Variants in ABCC12 observed in about 807,000 individuals in gnomAD.
ABCC12 encodes the protein ATP binding cassette subfamily C member 12.
ABCC12 carries 142 observed loss-of-function variants against 151.1 expected under a neutral mutation model. That is an observed-to-expected ratio of 0.94 (90% confidence interval 0.82 to 1.08). The LOEUF (loss-of-function observed/expected upper bound fraction) is 1.08. Among genes scored for constraint, ABCC12 ranks in the 50% least tolerant of loss-of-function variants. ABCC12 has a pLI of 0.00. For synonymous variants in ABCC12, 645 were observed against 646.4 expected (o/e 1.00, Z 0.03); for missense variants, 1,638 against 1,691.1 (o/e 0.97, Z 0.55).
chr16:48,105,281 G>A lies in ABCC12; in HGVS notation c.2531C>T (p.Ala844Val). Residue 844 changes from alanine to valine, a missense_variant, in exon 21 of 31, where the codon GCA becomes GTA. Ala to Val is a moderately conservative substitution (Grantham distance 64). Coordinates refer to ENST00000311303, the MANE Select transcript of ABCC12 (RefSeq NM_001393797.1). ...RTMCEVGAVLADIGQHVYQWV... is the reference protein window; with the variant it reads ...RTMCEVGAVLVDIGQHVYQWV... ...CTGGTACACATGCTGACCGATGTCT[G>A]CCAGCACCGCGCCGACCTCACACAT... 6.2e-7 allele frequency: 1 copy of A among 1,613,824 alleles called. No homozygotes were observed. Among genetic ancestry groups the A allele is most frequent in the South Asian group, 1.1e-5 (1 of 91,062 alleles).
At chr16:48,138,491 G>T in intron 7 of ABCC12, 116 bp from the exon 8 acceptor site, 1 of 1,209,540 alleles carries the variant, frequency 8.3e-7, no homozygotes, top group Non-Finnish European at 1.1e-6. Context: ...GTTGGCTTCA[G>T]ATTCTCAGCC....
At chr16:48,125,041 G>A (rs1964194890) in intron 11 of ABCC12, among the ~76,000 whole-genome samples, 1 of 152,222 alleles carries the variant, frequency 6.6e-6, no homozygotes, top group African/African-American at 2.4e-5. Context: ...TACAAGGAAA[G>A]CCTTACTGGA....
chr16:48,122,449 G>A (rs1343096414), intron 12 of ABCC12, among the ~76,000 whole-genome samples: 6 of 152,162 alleles, frequency 3.9e-5, no homozygotes, highest in Non-Finnish European at 8.8e-5. Context: ...ACTATGCATG[G>A]GCTCCAGTTT....
rs1387449811 is a variant in ABCC12 at position 48,083,037 on chromosome 16, A to G, written c.*678T>C. 1.3e-5 allele frequency: 2 copies of G among 152,252 alleles called. No homozygotes were observed. Among genetic ancestry groups the G allele is most frequent in the Non-Finnish European group, 2.9e-5 (2 of 68,048 alleles). The allele number at this position is 152,252 out of a possible 1,614,324, so 9.4% of individuals were successfully genotyped here. On this transcript the variant is annotated 3_prime_UTR_variant, in exon 31 of 31. Transcript: ENST00000311303. ...GGAATATCTTCAGTGAAATAATTGC[A>G]AGGCGACATTTCAGGGTAATTTCCT...
chr16:48,088,120 C>T (rs1391106901), intron 26 of ABCC12, 35 bp from the exon 27 acceptor site: 3 of 1,605,436 alleles, frequency 1.9e-6, no homozygotes, highest in South Asian at 2.2e-5. Flanking sequence ...ACAAATCAAA[C>T]ATCAGTTTGT....
intron 28 of ABCC12, 77 bp downstream of exon 28, chr16:48,086,664 A>C (rs1435767208): frequency 2.2e-6 from 3 of 1,352,162 alleles, no homozygotes; most frequent in Admixed American, 1.7e-5. Flanking sequence ...GGTGCTTGTC[A>C]AATTTAAACA....
At chr16:48,103,713 G>T (rs1963382877) in intron 22 of ABCC12, among the ~76,000 whole-genome samples, 1 of 152,236 alleles carries the variant, frequency 6.6e-6, no homozygotes, top group Admixed American at 6.5e-5. Context: ...AATCATGGCT[G>T]TCCTCCTGCT....
At chr16:48,101,862 G>T (rs1313987978) in intron 22 of ABCC12, among the ~76,000 whole-genome samples, 1 of 152,194 alleles carries the variant, frequency 6.6e-6, no homozygotes, top group Admixed American at 6.5e-5. Flanking sequence ...TGAGCCCAAA[G>T]AATCCACTGT....
Position 48,124,279 on chromosome 16 carries a change from C to A in ABCC12, c.1521G>T (p.Lys507Asn), listed in dbSNP as rs1964167810. ...HSISFVVRKG[K>N]ILGICGNVGS... ...CCACATTCCCACATATTCCCAAGAT[C>A]TTCCCCTGCCAGAGAAACAGAGATG... Residue 507 changes from lysine (K) to asparagine (N), a missense_variant, in exon 12 of 31, where the codon AAG becomes AAT. By Grantham distance (94) the Lys-to-Asn change is moderately conservative (BLOSUM62 0). Transcript: ENST00000311303. 6.2e-7 allele frequency: 1 copy of A among 1,614,148 alleles called. No homozygotes were observed. The highest frequency in any genetic ancestry group is 8.5e-7 in the Non-Finnish European group (1 of 1,179,978).
intron 9 of ABCC12, among the ~76,000 whole-genome samples, chr16:48,133,474 C>T (rs888102046): frequency 8.6e-5 from 13 of 151,444 alleles, no homozygotes; most frequent in East Asian, 1.9e-4. Context: ...TGCAGTCAGC[C>T]GCCATCACGC....
intron 6 of ABCC12, 54 bp downstream of exon 6, chr16:48,140,633 C>G: frequency 6.4e-7 from 1 of 1,553,830 alleles, no homozygotes; most frequent in Non-Finnish European, 8.8e-7. Context: ...CTCACATGCA[C>G]TCAAACCACT....
intron 23 of ABCC12, 34 bp downstream of exon 23, chr16:48,100,838 G>T (rs1253196328): frequency 6.2e-7 from 1 of 1,607,624 alleles, no homozygotes; most frequent in Admixed American, 1.7e-5. Context: ...CATGAAGCAT[G>T]GGGGCCTGGG....
chr16:48,094,668 A>G (rs1324304842), intron 24 of ABCC12, among the ~76,000 whole-genome samples: 2 of 152,196 alleles, frequency 1.3e-5, no homozygotes, highest in African/African-American at 4.8e-5. Context: ...GATTTTCTCT[A>G]AAGAAATTGA....
At position 48,121,758 on chromosome 16, in the gene ABCC12, A is replaced by C. The variant is rs1964077145; in HGVS notation, c.1670T>G (p.Val557Gly). ...SQQAWIFHGN[V>G]RENILFGEKY... ...TTCTCCAAAGAGTATGTTTTCTCTC[A>C]CATTTCCATGAAAGATCCATGCCTG... Residue 557 changes from valine to glycine, a missense_variant, in exon 13 of 31, where the codon GTG (valine) becomes GGG (glycine). Transcript: ENST00000311303. The C allele has an allele frequency of 6.8e-6, 11 of 1,614,146 alleles. No individual in the cohort carries two copies. In the South Asian group the frequency reaches 7.7e-5, roughly 11 times the overall value.
At chr16:48,101,218 G>A (rs1193266871) in intron 22 of ABCC12, among the ~76,000 whole-genome samples, 6 of 152,284 alleles carry the variant, frequency 3.9e-5, no homozygotes, top group Non-Finnish European at 5.9e-5. Context: ...ATGAGTCAGC[G>A]GCACCTTCGT....
At chr16:48,112,898 T>A (rs1963748371) in intron 15 of ABCC12, among the ~76,000 whole-genome samples, 1 of 152,086 alleles carries the variant, frequency 6.6e-6, no homozygotes, top group African/African-American at 2.4e-5. Flanking sequence ...GCACTTCTGT[T>A]TTTTTTAATT....
intron 29 of ABCC12, among the ~76,000 whole-genome samples, chr16:48,085,349 G>A (rs1436455609): frequency 6.6e-6 from 1 of 152,158 alleles, no homozygotes; most frequent in Non-Finnish European, 1.5e-5. Context: ...GGCAAGCAGA[G>A]TGAAAATCTA....
At chr16:48,143,191 G>A (rs1964878467) in intron 4 of ABCC12, among the ~76,000 whole-genome samples, 1 of 152,212 alleles carries the variant, frequency 6.6e-6, no homozygotes, top group South Asian at 2.1e-4. Flanking sequence ...TGCTGGTCAA[G>A]TGGGGTCTGA....
In ABCC12 at chr16:48,133,681, T is replaced by C; in HGVS notation, c.1128+6A>G. ...GAAAGAGCCTCGATCTGGAGCCAGCTCTTACCACGGGTGCGGTGAGTTTGC... is the reference window on the plus strand; with the variant it reads ...GAAAGAGCCTCGATCTGGAGCCAGCCCTTACCACGGGTGCGGTGAGTTTGC... On this transcript the variant is annotated splice_donor_region_variant and intron_variant, in intron 9 of 30. Coordinates refer to ENST00000311303, the MANE Select transcript of ABCC12 (RefSeq NM_001393797.1). 2 of 1,613,650 alleles carry C rather than the reference T, an allele frequency of 1.2e-6. No homozygotes were observed. Among genetic ancestry groups the C allele is most frequent in the Non-Finnish European group, 8.5e-7 (1 of 1,179,868 alleles).
Sources: gnomAD v4.1 joint callset for allele counts (sites outside exome capture counted in the v4.1 genomes callset) on GRCh38, gnomAD v4.1.1 for gene constraint, MANE v1.5 for transcripts, NCBI Gene and HGNC (gene_info 2026-07-23, HGNC 2026-07-21) for gene names.